Variants in NRXN2 observed in about 807,000 individuals in gnomAD.
NRXN2 encodes neurexin-2-beta.
In NRXN2, 29 loss-of-function variants were observed where a neutral mutation model predicts 128.8. That is an observed-to-expected ratio of 0.23 (90% CI 0.17 to 0.31). The LOEUF is 0.31. NRXN2 is among the 10% of genes least tolerant of loss of function. The pLI is 1.00. For missense variants in NRXN2, 1,881 were observed against 2,452.6 expected, an observed-to-expected ratio of 0.77 and a Z score of 4.92; for synonymous variants, 1,098 against 1,075.2, an observed-to-expected ratio of 1.02 and a Z score of -0.41.
At chr11:64,683,975 T>TG (rs1205012116) in intron 6 of NRXN2, among the ~76,000 whole-genome samples, 1 of 152,180 alleles carries the variant, frequency 6.6e-6, no homozygotes, top group Non-Finnish European at 1.5e-5. Context: ...CTAGGGTGTT[T>TG]AAGGTTTCTG....
At chr11:64,701,727 G>C (rs1228939633) in intron 2 of NRXN2, among the ~76,000 whole-genome samples, 1 of 152,210 alleles carries the variant, frequency 6.6e-6, no homozygotes, top group Non-Finnish European at 1.5e-5. Flanking sequence ...CGACGGAGAA[G>C]ACTTTGCCTA....
chr11:64,613,894 A>G (rs537625943), intron 22 of NRXN2, among the ~76,000 whole-genome samples: 4 of 152,184 alleles, frequency 2.6e-5, no homozygotes, highest in Non-Finnish European at 5.9e-5. Flanking sequence ...ACCGTTGCTC[A>G]TGAGAACCTG....
Position 64,651,650 on chromosome 11 carries a change from G to A in NRXN2, c.2537-14C>T, listed in dbSNP as rs1389644761. 3 of 1,612,924 alleles carry A rather than the reference G, an allele frequency of 1.9e-6. No homozygotes were observed. The highest frequency in any genetic ancestry group is 1.1e-5 in the South Asian group (1 of 91,064). ...CTGCCATCTGTCCTGCTCAGGACAG[G>A]AGACCAAGATGAGGGGGATGGCTTT... On this transcript the variant is annotated splice_polypyrimidine_tract_variant and intron_variant, in intron 13 of 22. Transcript: ENST00000265459. This position sits in a 1 kb window ranked among gnomAD's most constrained non-coding sequence, Gnocchi z 5.9.
At chr11:64,621,538 C>T (rs570339356) in intron 21 of NRXN2, among the ~76,000 whole-genome samples, 2 of 152,178 alleles carry the variant, frequency 1.3e-5, no homozygotes, top group Admixed American at 1.3e-4. Flanking sequence ...TAGCCTAGTC[C>T]CAGGCTTCCT....
Position 64,660,371 on chromosome 11 carries a change from C to T in NRXN2, c.2350G>A (p.Glu784Lys). 1.2e-6 allele frequency: 2 copies of T among 1,614,130 alleles called. No homozygotes were observed. The change falls in exon 11 of 23, where the codon GAG becomes AAG. Residue 784 changes from glutamate to lysine, a missense_variant. By Grantham distance (56) the Glu-to-Lys change is moderately conservative. This residue lies in a region of NRXN2 where 997 missense variants were observed against 1,240.8 expected (regional missense o/e 0.80). Transcript: ENST00000265459. The surrounding 1 kb of genome is among the most constrained non-coding windows in gnomAD (Gnocchi z 5.2). ...SRESADTLRL[E>K]LDGGQMKLTV... ...AGCTTCATCTGCCCCCCATCCAGCT[C>T]CAGGCGTAGGGTGTCGGCAGACTCC...
Position 64,632,180 on chromosome 11 carries a change from C to T in NRXN2, c.3586-1607G>A, listed in dbSNP as rs180961399. ...GGGGACAAGGTTTGCAGCTGTGGCT[C>T]AGGAGACCCATGTCCTATCCCTTCC... is the stretch of plus-strand genomic sequence containing the variant. On this transcript the variant is annotated intron_variant, in intron 18 of 22. Coordinates refer to ENST00000265459, the MANE Select transcript of NRXN2 (RefSeq NM_015080.4). This position sits in a 1 kb window ranked among gnomAD's most constrained non-coding sequence, Gnocchi z 4.2. Among the ~76,000 whole-genome samples, 5 of 152,314 alleles carry T rather than the reference C, an allele frequency of 3.3e-5. No individual in the cohort carries two copies. The East Asian group carries it at 9.6e-4, about 29-fold the overall frequency.
chr11:64,708,898 A>G (rs1265093857), intron 2 of NRXN2, among the ~76,000 whole-genome samples: 1 of 152,190 alleles, frequency 6.6e-6, no homozygotes, highest in Non-Finnish European at 1.5e-5. Flanking sequence ...ACTTTTAAAA[A>G]TGTCCTCAGT....
In NRXN2 at chr11:64,686,683, G is replaced by A. The variant is rs142018424; in HGVS notation, c.851-736C>T. 3.9e-5 allele frequency among the ~76,000 whole-genome samples: 6 copies of A among 152,294 alleles called. 1 individual carries two copies. The highest frequency in any genetic ancestry group is 1.2e-4 in the African/African-American group (5 of 41,562). Reference sequence around the variant, plus strand: ...CTCCCTACTCCAAGCCAAGGACGGCGCAGACAGGCCCAAGATGGAGGGCAA... The same window carrying A: ...CTCCCTACTCCAAGCCAAGGACGGCACAGACAGGCCCAAGATGGAGGGCAA... On this transcript the variant is annotated intron_variant, in intron 5 of 22. Coordinates refer to ENST00000265459, the MANE Select transcript of NRXN2 (RefSeq NM_015080.4).
intron 17 of NRXN2, chr11:64,637,518 T>G: frequency 6.6e-6 from 1 of 152,258 alleles, no homozygotes; most frequent in East Asian, 1.9e-4. Context: ...CCATGACAAC[T>G]GTAATACCCA....
intron 20 of NRXN2, among the ~76,000 whole-genome samples, chr11:64,625,185 A>G (rs559745649): frequency 6.6e-6 from 1 of 152,272 alleles, no homozygotes; most frequent in Admixed American, 6.5e-5. Context: ...ACCCCCCAAC[A>G]GGGCCTGTCC....
intron 22 of NRXN2, among the ~76,000 whole-genome samples, chr11:64,617,147 C>T (rs1490846082): frequency 6.6e-6 from 1 of 151,450 alleles, no homozygotes; most frequent in Non-Finnish European, 1.5e-5. Context: ...AGTGTGTGCT[C>T]CTCTAGGTTT....
intron 2 of NRXN2, among the ~76,000 whole-genome samples, chr11:64,698,898 T>C (rs995347944): frequency 1.3e-5 from 2 of 152,090 alleles, no homozygotes; most frequent in African/African-American, 4.8e-5. Context: ...AGCCTTTAGA[T>C]GAAGCAATAG....
intron 19 of NRXN2, among the ~76,000 whole-genome samples, chr11:64,627,375 C>T (rs1051558962): frequency 1.3e-5 from 2 of 151,924 alleles, no homozygotes. Context: ...CCCCTTTCTC[C>T]TCCCCTGCAG....
intron 6 of NRXN2, among the ~76,000 whole-genome samples, chr11:64,681,704 G>A (rs1362030343): frequency 6.6e-6 from 1 of 152,140 alleles, no homozygotes; most frequent in Non-Finnish European, 1.5e-5. Context: ...ATTTGAACCT[G>A]GTCTTTCTGA....
chr11:64,642,434 G>C (rs2045835836), intron 17 of NRXN2: 2 of 1,433,820 alleles, frequency 1.4e-6, no homozygotes, highest in Admixed American at 2.5e-5. Flanking sequence ...GGCCAGGCTC[G>C]GCGTGCACAG....
At chr11:64,674,849 T>C (rs547787640) in intron 7 of NRXN2, among the ~76,000 whole-genome samples, 2 of 152,378 alleles carry the variant, frequency 1.3e-5, no homozygotes, top group South Asian at 4.1e-4. Context: ...TCACTTCTAT[T>C]ACTCTACCTG....
rs760257936 is a variant in NRXN2, at chr11:64,667,397, C to T, written c.1651G>A (p.Ala551Thr). The T allele has an allele frequency of 3.1e-6, 5 of 1,614,100 alleles. No individual in the cohort carries two copies. The highest frequency in any genetic ancestry group is 1.3e-5 in the African/African-American group (1 of 74,928). ...AATAGCTCCATGGCAAAGTAGTCGG[C>T]CCGCTGAGCAGAGCTGTGGCTGCCA... Reference protein sequence around the residue: ...GAGSHSSAQRADYFAMELLDG... With the variant: ...GAGSHSSAQRTDYFAMELLDG... The change falls in exon 9 of 23, where the codon GCC becomes ACC. Residue 551 changes from alanine to threonine, a missense_variant. Transcript: ENST00000265459. The surrounding 1 kb of genome is among the most constrained non-coding windows in gnomAD (Gnocchi z 5.6).
intron 12 of NRXN2, among the ~76,000 whole-genome samples, chr11:64,653,371 C>T (rs951707142): frequency 6.6e-6 from 1 of 152,136 alleles, no homozygotes; most frequent in African/African-American, 2.4e-5. Flanking sequence ...CAAGACTCTG[C>T]CCCAGCCCTT....
chr11:64,718,494 G>A (rs1285021511), intron 1 of NRXN2, among the ~76,000 whole-genome samples: 1 of 152,172 alleles, frequency 6.6e-6, no homozygotes, highest in African/African-American at 2.4e-5. Context: ...GGAGAAGTGC[G>A]TGCTATGGGG....
Sources: allele counts gnomAD v4.1 joint callset (sites outside exome capture counted in the v4.1 genomes callset), GRCh38; gene constraint gnomAD v4.1.1; regional missense constraint gnomAD v4.1.1; non-coding constraint Gnocchi (gnomAD v3.1); transcripts MANE v1.5; gene names NCBI Gene and HGNC (gene_info 2026-07-23, HGNC 2026-07-21).